SV2C: variants seen among roughly 807,000 people sequenced by gnomAD.
The protein encoded by SV2C is synaptic vesicle glycoprotein 2C.
Under a neutral mutation model 79.7 loss-of-function variants are expected in SV2C, and 49 were observed. That is an observed-to-expected ratio of 0.61 (90% CI 0.49 to 0.78). The LOEUF is 0.78. Ranked by LOEUF, SV2C falls within the 30% of genes least tolerant of loss-of-function variation. SV2C has a pLI of 0.00. For synonymous variants in SV2C, 334 were observed against 333.2 expected (o/e 1.00, Z -0.03); for missense variants, 833 against 912.9 (o/e 0.91, Z 1.13).
chr5:75,893,197 A>AT, the SV2C span, among the ~76,000 whole-genome samples: 1 of 151,104 alleles, frequency 6.6e-6, no homozygotes, highest in African/African-American at 2.5e-5. Flanking sequence ...ATTTTTTGAT[A>AT]TTTTTTTGGC....
intron 1 of SV2C, among the ~76,000 whole-genome samples, chr5:76,124,580 A>G (rs1290111065): frequency 6.6e-6 from 1 of 152,202 alleles, no homozygotes; most frequent in Non-Finnish European, 1.5e-5. Context: ...TCATAGATGT[A>G]TAAATATCTT....
chr5:76,185,172 A>C (rs772428934), intron 2 of SV2C, among the ~76,000 whole-genome samples: 61 of 152,250 alleles, frequency 4.0e-4, no homozygotes, highest in Non-Finnish European at 6.8e-4. Context: ...TCCAGGTCAC[A>C]CTGATACAAG....
the SV2C span, among the ~76,000 whole-genome samples, chr5:75,863,081 G>A: frequency 6.6e-6 from 1 of 152,200 alleles, no homozygotes; most frequent in African/African-American, 2.4e-5. Context: ...CAGAAAGAGT[G>A]TTGCCAGGGG....
chr5:76,342,429 T>C (rs1427579601), intron 12 of SV2C, among the ~76,000 whole-genome samples: 1 of 152,122 alleles, frequency 6.6e-6, no homozygotes, highest in Non-Finnish European at 1.5e-5. Context: ...CAGGCCAAGT[T>C]TACAAAACGG....
rs74662931 is a variant in SV2C, at chr5:76,092,601, A to G, written c.-102+9089A>G. ...TCCACCCCCATCCTCAATAAATCTTATTTGTCCAATAGCTGTCAAAAGCCT... is the reference window on the plus strand; with the variant it reads ...TCCACCCCCATCCTCAATAAATCTTGTTTGTCCAATAGCTGTCAAAAGCCT... On this transcript the variant is annotated intron_variant, in intron 1 of 12. Transcript: ENST00000502798. Among the ~76,000 whole-genome samples the G allele has an allele frequency of 1.3e-4, 20 of 152,068 alleles. No homozygotes were observed. In the East Asian group the frequency reaches 3.9e-3, roughly 29 times the overall value.
intron 2 of SV2C, among the ~76,000 whole-genome samples, chr5:76,190,027 G>C (rs1026685737): frequency 3.9e-5 from 6 of 152,178 alleles, no homozygotes; most frequent in African/African-American, 1.4e-4. Context: ...TAACTCTTCA[G>C]AAACATAAAG....
chr5:76,246,311 T>C (rs1439662078), intron 4 of SV2C, among the ~76,000 whole-genome samples: 1 of 152,170 alleles, frequency 6.6e-6, no homozygotes, highest in Non-Finnish European at 1.5e-5. Flanking sequence ...AGGATGCAAG[T>C]TAAAAGTTCT....
At chr5:75,905,606 G>C in the SV2C span, among the ~76,000 whole-genome samples, 2 of 152,070 alleles carry the variant, frequency 1.3e-5, no homozygotes, top group Non-Finnish European at 2.9e-5. Context: ...GAGGGATAGT[G>C]GTCTGCAGTT....
intron 4 of SV2C, among the ~76,000 whole-genome samples, chr5:76,274,642 C>T (rs554984825): frequency 1.6e-4 from 25 of 151,722 alleles, no homozygotes; most frequent in Middle Eastern, 7.0e-3. Flanking sequence ...CCATGTGCCC[C>T]CCTCCACCTA....
chr5:76,144,896 G>T (rs139808659), intron 2 of SV2C, among the ~76,000 whole-genome samples: 2 of 152,060 alleles, frequency 1.3e-5, no homozygotes, highest in African/African-American at 2.4e-5. Context: ...GAAATTCTGA[G>T]AAATGAGGGA....
chr5:75,926,282 G>T, the SV2C span, among the ~76,000 whole-genome samples: 1,119 of 152,154 alleles, frequency 7.4e-3, 17 homozygotes, highest in African/African-American at 0.026. Flanking sequence ...CTGTATAGAA[G>T]TTTCTTTCAG....
At chr5:76,212,338 A>G (rs138453087) in intron 4 of SV2C, among the ~76,000 whole-genome samples, 6 of 152,294 alleles carry the variant, frequency 3.9e-5, no homozygotes, top group African/African-American at 1.2e-4. Context: ...ATATTCAAAT[A>G]AGGGCTGCTC....
At chr5:76,022,898 GC>G in the SV2C span, among the ~76,000 whole-genome samples, 1 of 152,100 alleles carries the variant, frequency 6.6e-6, no homozygotes, top group Non-Finnish European at 1.5e-5. Context: ...GATTCACATA[GC>G]AATTTTAATA....
the SV2C span, among the ~76,000 whole-genome samples, chr5:76,005,168 T>A: frequency 6.6e-6 from 1 of 152,224 alleles, no homozygotes; most frequent in African/African-American, 2.4e-5. Flanking sequence ...GGAGACCAAG[T>A]GGGTGCAGTT....
the SV2C span, among the ~76,000 whole-genome samples, chr5:75,956,994 T>G: frequency 1.3e-5 from 2 of 151,952 alleles, no homozygotes; most frequent in African/African-American, 4.8e-5. Flanking sequence ...AGGTGATAGA[T>G]TAAGTCCAGG....
chr5:75,960,828 C>T, the SV2C span, among the ~76,000 whole-genome samples: 1 of 151,696 alleles, frequency 6.6e-6, no homozygotes, highest in Non-Finnish European at 1.5e-5. Flanking sequence ...TTATTAATTC[C>T]CCAAATATCT....
At chr5:76,129,394 A>C (rs1360649418) in intron 1 of SV2C, among the ~76,000 whole-genome samples, 1 of 150,656 alleles carries the variant, frequency 6.6e-6, no homozygotes, top group East Asian at 1.9e-4. Flanking sequence ...GAAAGACAAA[A>C]AGAGAACTTA....
chr5:76,030,776 GAAAAAGAAA>G, the SV2C span, among the ~76,000 whole-genome samples: 8 of 150,832 alleles, frequency 5.3e-5, no homozygotes, highest in South Asian at 2.1e-4. Context: ...AAAAAAGAAA[GAAAAAGAAA>G]AAAAAGAAAA....
intron 2 of SV2C, among the ~76,000 whole-genome samples, chr5:76,177,515 T>A (rs914960918): frequency 6.6e-6 from 1 of 152,158 alleles, no homozygotes; most frequent in Admixed American, 6.5e-5. Context: ...TATACTATAA[T>A]AAAAGTTACC....
Sources: gnomAD v4.1 joint callset for allele counts (sites outside exome capture counted in the v4.1 genomes callset) on GRCh38, gnomAD v4.1.1 for gene constraint, MANE v1.5 for transcripts, NCBI Gene and HGNC (gene_info 2026-07-23, HGNC 2026-07-21) for gene names.